Variants in RANBP10 observed in about 807,000 individuals in gnomAD.
RANBP10 encodes the protein ran-binding protein 10.
Under a neutral mutation model 72.8 loss-of-function variants are expected in RANBP10, and 24 were observed. That is an observed-to-expected ratio of 0.33 (90% CI 0.24 to 0.46). RANBP10 has a LOEUF of 0.46. RANBP10 is among the 20% of genes least tolerant of loss of function. The pLI, the probability that RANBP10 is intolerant of heterozygous loss-of-function variation, is 1.00. For synonymous variants in RANBP10, 310 were observed against 322.3 expected (o/e 0.96, Z 0.41); for missense variants, 679 against 817.5 (o/e 0.83, Z 2.07).
intron 2 of RANBP10, among the ~76,000 whole-genome samples, chr16:67,794,294 C>T (rs2143019659): frequency 6.6e-6 from 1 of 151,842 alleles, no homozygotes; most frequent in South Asian, 2.1e-4. Flanking sequence ...AAAAATTAGC[C>T]AGGCATGGTG....
chr16:67,737,187 C>CTTTTG (rs1567678347), intron 5 of RANBP10, among the ~76,000 whole-genome samples: 2 of 128,388 alleles, frequency 1.6e-5, no homozygotes, highest in Admixed American at 7.6e-5. Context: ...AAACTCCATC[C>CTTTTG]TTTTCTTTTT....
At chr16:67,786,434 A>G (rs2054918767) in intron 2 of RANBP10, among the ~76,000 whole-genome samples, 1 of 152,234 alleles carries the variant, frequency 6.6e-6, no homozygotes, top group African/African-American at 2.4e-5. Flanking sequence ...AATATCAAAA[A>G]TAAAGAATTC....
At chr16:67,769,745 CAAAAAAA>C (rs58319144) in intron 3 of RANBP10, among the ~76,000 whole-genome samples, 6 of 27,760 alleles carry the variant, frequency 2.2e-4, no homozygotes, top group Admixed American at 2.0e-3. Flanking sequence ...GACTCCGTCT[CAAAAAAA>C]AAAAAAAAAA....
At chr16:67,746,516 T>A (rs1218703980) in intron 3 of RANBP10, among the ~76,000 whole-genome samples, 1 of 152,144 alleles carries the variant, frequency 6.6e-6, no homozygotes, top group Non-Finnish European at 1.5e-5. Flanking sequence ...CCAAGTGTGG[T>A]GGCGCCTGCC....
intron 2 of RANBP10, among the ~76,000 whole-genome samples, chr16:67,773,674 T>A (rs2054647005): frequency 6.6e-6 from 1 of 152,118 alleles, no homozygotes; most frequent in Non-Finnish European, 1.5e-5. Flanking sequence ...ATGGCCCTGA[T>A]AACGTGGCCC....
intron 4 of RANBP10, 25 bp from the exon 5 acceptor site, chr16:67,738,060 C>T: frequency 6.3e-7 from 1 of 1,579,326 alleles, no homozygotes; most frequent in Non-Finnish European, 8.6e-7. Context: ...GAACAGTCAT[C>T]AGGGCCAGCC....
intron 3 of RANBP10, among the ~76,000 whole-genome samples, chr16:67,761,940 C>A (rs1429221949): frequency 6.6e-6 from 1 of 151,816 alleles, no homozygotes; most frequent in Non-Finnish European, 1.5e-5. Flanking sequence ...AAAAAAAACA[C>A]ACACCTTTTC....
rs182150993 is a variant in RANBP10 at position 67,728,042 on chromosome 16, C to T, written c.1475-146G>A. 1.0e-4 allele frequency: 88 copies of T among 851,354 alleles called. No homozygotes were observed. In the Middle Eastern group the frequency reaches 1.7e-3, roughly 17 times the overall value. 52.7% of individuals were successfully genotyped at this position (851,354 alleles called of 1,614,324 possible). A position where few individuals can be genotyped will look rare whatever the true frequency, so the allele number is the denominator to read the frequency against. ...GAGGAACAGGTGAGGCAGCTACAGT[C>T]AAGGCGTTCTTCTCTTCATTCACCT... On this transcript the variant is annotated intron_variant, in intron 11 of 13. Coordinates refer to ENST00000317506, the MANE Select transcript of RANBP10 (RefSeq NM_020850.3).
chr16:67,734,860 C>T lies in RANBP10; in HGVS notation c.774G>A (p.Gln258=). The change falls in exon 6 of 14, where the codon CAG becomes CAA. Residue 258 remains glutamine, a splice_region_variant and synonymous_variant. Transcript: ENST00000317506. The part of the protein sequence containing the change: ...ARLGEWQAVL[Q]NMVSSYLVHH... ...AAGGGCAGGAGCAGGGCACTCACTT[C>T]TGCAGCACTGCCTGCCACTCGCCAA... 1 of 1,592,354 alleles carries T rather than the reference C, an allele frequency of 6.3e-7. No homozygotes were observed. Among genetic ancestry groups the T allele is most frequent in the Non-Finnish European group, 8.6e-7 (1 of 1,167,746 alleles).
chr16:67,799,043 A>G (rs2055184919), intron 2 of RANBP10, among the ~76,000 whole-genome samples: 2 of 151,818 alleles, frequency 1.3e-5, no homozygotes, highest in African/African-American at 4.8e-5. Context: ...CTCCTGCCTC[A>G]GCCTCCCAAG....
chr16:67,794,493 T>G (rs1261226955), intron 2 of RANBP10, among the ~76,000 whole-genome samples: 2 of 151,322 alleles, frequency 1.3e-5, no homozygotes, highest in African/African-American at 4.9e-5. Flanking sequence ...AACGTAGACT[T>G]TATCAGGTAT....
intron 3 of RANBP10, among the ~76,000 whole-genome samples, chr16:67,771,638 G>A (rs1045058002): frequency 5.3e-5 from 8 of 152,106 alleles, no homozygotes; most frequent in South Asian, 4.1e-4. Context: ...CGCTGTGCCC[G>A]GCCAAAAACT....
chr16:67,787,601 A>C (rs2143017142), intron 2 of RANBP10, among the ~76,000 whole-genome samples: 1 of 152,340 alleles, frequency 6.6e-6, no homozygotes, highest in South Asian at 2.1e-4. Flanking sequence ...CATTATTCAC[A>C]ATAACCAAAA....
intron 2 of RANBP10, among the ~76,000 whole-genome samples, chr16:67,772,590 A>C (rs2054628547): frequency 6.6e-6 from 1 of 152,196 alleles, no homozygotes; most frequent in Non-Finnish European, 1.5e-5. Flanking sequence ...TCTGGGTCTC[A>C]AAATTCATTA....
At chr16:67,805,003 A>G (rs2055323043) in intron 2 of RANBP10, among the ~76,000 whole-genome samples, 1 of 152,188 alleles carries the variant, frequency 6.6e-6, no homozygotes, top group Non-Finnish European at 1.5e-5. Context: ...GAATGCTGCA[A>G]AGACTCTACT....
chr16:67,753,205 T>TAA (rs869120981), intron 3 of RANBP10, among the ~76,000 whole-genome samples: 8 of 123,692 alleles, frequency 6.5e-5, no homozygotes, highest in South Asian at 2.6e-4. Flanking sequence ...AATCTCATCT[T>TAA]AAAAAAAAAA....
At chr16:67,791,429 T>C (rs1207225793) in intron 2 of RANBP10, among the ~76,000 whole-genome samples, 1 of 152,154 alleles carries the variant, frequency 6.6e-6, no homozygotes, top group Non-Finnish European at 1.5e-5. Context: ...ACGTTTTAAA[T>C]TTAAGCTCCA....
chr16:67,780,400 G>T (rs538379289), intron 2 of RANBP10, among the ~76,000 whole-genome samples: 91 of 152,242 alleles, frequency 6.0e-4, no homozygotes, highest in African/African-American at 1.6e-3. Context: ...TGCATGCACA[G>T]CCTGCATGCT....
chr16:67,755,118 C>T (rs2143008622), intron 3 of RANBP10, among the ~76,000 whole-genome samples: 1 of 152,272 alleles, frequency 6.6e-6, no homozygotes, highest in South Asian at 2.1e-4. Context: ...CACCAAGCAC[C>T]ATGCCTAGGG....
Sources: gnomAD v4.1 joint callset for allele counts (sites outside exome capture counted in the v4.1 genomes callset) on GRCh38, gnomAD v4.1.1 for gene constraint, MANE v1.5 for transcripts, NCBI Gene and HGNC (gene_info 2026-07-23, HGNC 2026-07-21) for gene names.